Variants in ACTR1B observed in about 807,000 individuals in gnomAD.
ACTR1B encodes the protein beta-centractin.
A neutral mutation model predicts 49.4 loss-of-function variants in ACTR1B; 34 were observed. That is an observed-to-expected ratio of 0.69 (90% CI 0.52 to 0.92). The LOEUF (loss-of-function observed/expected upper bound fraction) is 0.92, where lower values mean the gene tolerates loss of function less well. Ranked by LOEUF, ACTR1B falls within the 40% of genes least tolerant of loss-of-function variation. ACTR1B has a pLI of 0.00. For synonymous variants in ACTR1B, 207 were observed against 207.8 expected (o/e 1.00, Z 0.03); for missense variants, 471 against 522.4 (o/e 0.90, Z 0.96).
Position 97,659,092 on chromosome 2 carries a change from C to A in ACTR1B, c.316-89G>T, listed in dbSNP as rs1674941703. On this transcript the variant is annotated intron_variant, in intron 4 of 10. Transcript: ENST00000289228. The surrounding 1 kb of genome is among the most constrained non-coding windows in gnomAD (Gnocchi z 4.0). ...TTCCAGAGAACCACACCCGCTGGCG[C>A]ACAGGCAGCTCAGCCTCCTACCCCT... The A allele has an allele frequency of 2.5e-6, 4 of 1,585,992 alleles. No individual in the cohort carries two copies. The Admixed American group carries it at 5.1e-5, about 20-fold the overall frequency.
intron 3 of ACTR1B, among the ~76,000 whole-genome samples, chr2:97,660,193 T>G (rs7571121): frequency 6.6e-6 from 1 of 152,170 alleles, no homozygotes; most frequent in Admixed American, 6.5e-5. Flanking sequence ...CACCCACACA[T>G]GCTCTCCTGA....
At position 97,658,391 on chromosome 2, in the gene ACTR1B, C is replaced by A; in HGVS notation, c.657+36G>T. The A allele has an allele frequency of 6.2e-7, 1 of 1,613,660 alleles. No individual in the cohort carries two copies. The highest frequency in any genetic ancestry group is 8.5e-7 in the Non-Finnish European group (1 of 1,179,722). ...TGCCTTGGTGCCACCCTTTCCTCAC[C>A]CCAGGTCGTGTCCACACCCTCTCGC... is the stretch of plus-strand genomic sequence containing the variant. On this transcript the variant is annotated intron_variant, in intron 6 of 10. Coordinates refer to ENST00000289228, the MANE Select transcript of ACTR1B (RefSeq NM_005735.4). This position sits in a 1 kb window ranked among gnomAD's most constrained non-coding sequence, Gnocchi z 5.9.
In ACTR1B at chr2:97,659,566, ACCAGAACCTCACCTG is replaced by A. The variant is rs1365473085; in HGVS notation, c.190-104_190-90del. 31 of 342,558 alleles carry A rather than the reference ACCAGAACCTCACCTG, an allele frequency of 9.0e-5. No homozygotes were observed. Among genetic ancestry groups the A allele is most frequent in the Non-Finnish European group, 1.8e-4 (29 of 161,632 alleles). 21.2% of individuals were successfully genotyped at this position (342,558 alleles called of 1,614,324 possible). On this transcript the variant is annotated intron_variant, in intron 3 of 10. Coordinates refer to ENST00000289228, the MANE Select transcript of ACTR1B (RefSeq NM_005735.4). The surrounding 1 kb of genome is among the most constrained non-coding windows in gnomAD (Gnocchi z 4.0). ...TGGAAGCTGACCCTCACCTGCCCTG[ACCAGAACCTCACCTG>A]CCCTGACCAGAACCACCCCTGCTCA...
At chr2:97,657,385 C>T in intron 9 of ACTR1B, 63 bp downstream of exon 9, 1 of 1,580,600 alleles carries the variant, frequency 6.3e-7, no homozygotes, top group Non-Finnish European at 8.7e-7. Flanking sequence ...AGCATTCAAC[C>T]TTCCTCCCCA....
rs1284491274 is a variant in ACTR1B, at chr2:97,663,916, G to A, written c.-26C>T. 3 of 1,186,140 alleles carry A rather than the reference G, an allele frequency of 2.5e-6. No individual in the cohort carries two copies. The highest frequency in any genetic ancestry group is 1.6e-5 in the African/African-American group (1 of 62,432). The allele number at this position is 1,186,140 out of a possible 1,614,324, so 73.5% of individuals were successfully genotyped here. A position where few individuals can be genotyped will look rare whatever the true frequency, so the allele number is the denominator to read the frequency against. ...GGCCGGGCCGCGCCGGCCCTGCCCA[G>A]CAGGCGGGCTGCAGGAGGCACCGGA... On this transcript the variant is annotated 5_prime_UTR_variant, in exon 1 of 11. Transcript: ENST00000289228.
rs1369149926 is a variant in ACTR1B, at chr2:97,663,970, G to A, written c.-80C>T. ...GCGGGCGGGCGGGAGGACCGGGACG[G>A]CGGCGGCTCCCGACGCGGCGCCGCT... On this transcript the variant is annotated 5_prime_UTR_variant, in exon 1 of 11. Coordinates refer to ENST00000289228, the MANE Select transcript of ACTR1B (RefSeq NM_005735.4). 6 of 888,172 alleles carry A rather than the reference G, an allele frequency of 6.8e-6. No individual in the cohort carries two copies. Among genetic ancestry groups the A allele is most frequent in the African/African-American group, 5.4e-5 (3 of 55,626 alleles). The allele number at this position is 888,172 out of a possible 1,614,324, so 55.0% of individuals were successfully genotyped here. A position where few individuals can be genotyped will look rare whatever the true frequency, so the allele number is the denominator to read the frequency against.
rs1463373871 is a variant in ACTR1B, at chr2:97,659,531, T to C, written c.190-54A>G. On this transcript the variant is annotated intron_variant, in intron 3 of 10. Coordinates refer to ENST00000289228, the MANE Select transcript of ACTR1B (RefSeq NM_005735.4). This position sits in a 1 kb window ranked among gnomAD's most constrained non-coding sequence, Gnocchi z 4.0. The stretch of plus-strand genomic sequence containing the variant: ...CCCGGCCCTTGCTCAGCGGCTGCTT[T>C]CCGCCCTCCTGGAAGCTGACCCTCA... 2 of 1,603,396 alleles carry C rather than the reference T, an allele frequency of 1.2e-6. No homozygotes were observed. Among genetic ancestry groups the C allele is most frequent in the African/African-American group, 2.7e-5 (2 of 74,814 alleles).
intron 1 of ACTR1B, 121 bp from the exon 2 acceptor site, chr2:97,662,067 A>G (rs1288456395): frequency 2.1e-6 from 2 of 960,344 alleles, no homozygotes; most frequent in African/African-American, 1.6e-5. Context: ...GGACCCTGCC[A>G]GGATCATTTA....
At position 97,658,147 on chromosome 2, in the gene ACTR1B, C is replaced by T. The variant is rs377460048; in HGVS notation, c.751-30G>A. 1.7e-4 allele frequency: 277 copies of T among 1,613,000 alleles called. 3 individuals are homozygous for T. The East Asian group carries it at 5.3e-3, about 31-fold the overall frequency. ...AGTGTACAAGATTGAGGCAGACAGGCTTCCTGGAGAAGCGGGCTACCCCTT... is the reference window on the plus strand; with the variant it reads ...AGTGTACAAGATTGAGGCAGACAGGTTTCCTGGAGAAGCGGGCTACCCCTT... On this transcript the variant is annotated intron_variant, in intron 7 of 10. Transcript: ENST00000289228. The surrounding 1 kb of genome is among the most constrained non-coding windows in gnomAD (Gnocchi z 5.9).
chr2:97,659,155 C>A lies in ACTR1B; in HGVS notation c.316-152G>T. The A allele has an allele frequency of 6.9e-7, 1 of 1,455,762 alleles. No individual in the cohort carries two copies. Among genetic ancestry groups the A allele is most frequent in the African/African-American group, 1.4e-5 (1 of 71,636 alleles). 90.2% of individuals were successfully genotyped at this position (1,455,762 alleles called of 1,614,324 possible). On this transcript the variant is annotated intron_variant, in intron 4 of 10. Coordinates refer to ENST00000289228, the MANE Select transcript of ACTR1B (RefSeq NM_005735.4). The surrounding 1 kb of genome is among the most constrained non-coding windows in gnomAD (Gnocchi z 4.0). Reference sequence around the variant, plus strand: ...ATCCCTTTATCTGCTGGCAGTTACTCTTCCGGAGATCCGGCTCTCTTTGGA... The same window carrying A: ...ATCCCTTTATCTGCTGGCAGTTACTATTCCGGAGATCCGGCTCTCTTTGGA...
In ACTR1B at chr2:97,658,010, G is replaced by A. The variant is rs747281452; in HGVS notation, c.858C>T (p.Ser286=). 20 of 1,614,042 alleles carry A rather than the reference G, an allele frequency of 1.2e-5. No homozygotes were observed. The highest frequency in any genetic ancestry group is 1.6e-4 in the Middle Eastern group (1 of 6,084). Residue 286 remains serine, a synonymous_variant, in exon 8 of 11, where the codon TCC becomes TCT. Coordinates refer to ENST00000289228, the MANE Select transcript of ACTR1B (RefSeq NM_005735.4). This position sits in a 1 kb window ranked among gnomAD's most constrained non-coding sequence, Gnocchi z 5.9. ...ACAGCGTCCGGCGCAGGTCCATGTC[G>A]GACTTGTGTATGGCGAAGGCCACCA... ...HEVVAFAIHK[S]DMDLRRTLFA...
rs1446100967 is a variant in ACTR1B, at chr2:97,659,752, C to A, written c.190-275G>T. ...TGCCCCGCAATCTGCAGGCTCTCTT[C>A]TTCCCCATTCTCACTGCCGGCACAT... On this transcript the variant is annotated intron_variant, in intron 3 of 10. Transcript: ENST00000289228. The surrounding 1 kb of genome is among the most constrained non-coding windows in gnomAD (Gnocchi z 4.0). 9.7e-6 allele frequency: 5 copies of A among 513,864 alleles called. No homozygotes were observed. The highest frequency in any genetic ancestry group is 6.7e-5 in the Admixed American group (2 of 29,894). The allele number at this position is 513,864 out of a possible 1,614,324, so 31.8% of individuals were successfully genotyped here. A position where few individuals can be genotyped will look rare whatever the true frequency, so the allele number is the denominator to read the frequency against.
intron 2 of ACTR1B, 129 bp from the exon 3 acceptor site, chr2:97,660,775 G>T: frequency 1.1e-6 from 1 of 891,394 alleles, no homozygotes; most frequent in Non-Finnish European, 1.8e-6. Context: ...TGGCTGGGGG[G>T]CACAGGTTGG....
Position 97,658,861 on chromosome 2 carries a change from G to A in ACTR1B, c.440+18C>T. The A allele has an allele frequency of 3.1e-6, 5 of 1,613,994 alleles. No individual in the cohort carries two copies. The highest frequency in any genetic ancestry group is 4.2e-6 in the Non-Finnish European group (5 of 1,179,992). On this transcript the variant is annotated intron_variant, in intron 5 of 10. Coordinates refer to ENST00000289228, the MANE Select transcript of ACTR1B (RefSeq NM_005735.4). This position sits in a 1 kb window ranked among gnomAD's most constrained non-coding sequence, Gnocchi z 5.9. ...GGGAGGACAGGACTCAGGGAGGCCAGGCTTAGGGAGCACTCACAGACTGAG... is the reference window on the plus strand; with the variant it reads ...GGGAGGACAGGACTCAGGGAGGCCAAGCTTAGGGAGCACTCACAGACTGAG...
rs894539027 is a variant in ACTR1B, at chr2:97,657,523, G to C, written c.926-14C>G. 1.1e-5 allele frequency: 18 copies of C among 1,614,144 alleles called. No individual in the cohort carries two copies. The highest frequency in any genetic ancestry group is 1.4e-5 in the Non-Finnish European group (17 of 1,180,010). Reference sequence around the variant, plus strand: ...GGTCTCCGAAGCCTGTGAACACAAAGCTGGCTGAGCCTGGGGTCTGCACCC... The same window carrying C: ...GGTCTCCGAAGCCTGTGAACACAAACCTGGCTGAGCCTGGGGTCTGCACCC... On this transcript the variant is annotated splice_polypyrimidine_tract_variant and intron_variant, in intron 8 of 10. Coordinates refer to ENST00000289228, the MANE Select transcript of ACTR1B (RefSeq NM_005735.4).
rs573419152 is a variant in ACTR1B at position 97,658,390 on chromosome 2, C to T, written c.657+37G>A. 38 of 1,613,602 alleles carry T rather than the reference C, an allele frequency of 2.4e-5. No homozygotes were observed. Among genetic ancestry groups the T allele is most frequent in the South Asian group, 2.2e-4 (20 of 91,044 alleles). ...GTGCCTTGGTGCCACCCTTTCCTCA[C>T]CCCAGGTCGTGTCCACACCCTCTCG... On this transcript the variant is annotated intron_variant, in intron 6 of 10. Transcript: ENST00000289228. The surrounding 1 kb of genome is among the most constrained non-coding windows in gnomAD (Gnocchi z 5.9).
rs1380344708 is a variant in ACTR1B, at chr2:97,659,028, G to A, written c.316-25C>T. 2.5e-6 allele frequency: 4 copies of A among 1,613,618 alleles called. No homozygotes were observed. Among genetic ancestry groups the A allele is most frequent in the East Asian group, 2.2e-5 (1 of 44,886 alleles). ...GCTGCGAGGGACGGGACAGTTGTAG[G>A]CATCAGAGGAGGCAACTTGCAAGGC... On this transcript the variant is annotated intron_variant, in intron 4 of 10. Coordinates refer to ENST00000289228, the MANE Select transcript of ACTR1B (RefSeq NM_005735.4). The surrounding 1 kb of genome is among the most constrained non-coding windows in gnomAD (Gnocchi z 4.0).
intron 3 of ACTR1B, among the ~76,000 whole-genome samples, chr2:97,660,108 C>T (rs946453708): frequency 2.0e-5 from 3 of 152,236 alleles, no homozygotes; most frequent in Admixed American, 6.5e-5. Flanking sequence ...GCATGCCCCA[C>T]GCCCCGGCAC....
In ACTR1B at chr2:97,656,603, C is replaced by T; in HGVS notation, c.*255G>A. 4.3e-6 allele frequency: 2 copies of T among 468,274 alleles called. No individual in the cohort carries two copies. The highest frequency in any genetic ancestry group is 7.7e-6 in the Non-Finnish European group (2 of 258,144). The allele number at this position is 468,274 out of a possible 1,614,324, so 29.0% of individuals were successfully genotyped here. ...CCTAGCTGGCCCTGCCAGGGGGATA[C>T]CCACAACAGCCTGACATGGCGCTCA... On this transcript the variant is annotated 3_prime_UTR_variant, in exon 11 of 11. Transcript: ENST00000289228.
Sources: allele counts gnomAD v4.1 joint callset (sites outside exome capture counted in the v4.1 genomes callset), GRCh38; gene constraint gnomAD v4.1.1; non-coding constraint Gnocchi (gnomAD v3.1); transcripts MANE v1.5; gene names NCBI Gene and HGNC (gene_info 2026-07-23, HGNC 2026-07-21).